The following GPATCH2 variants were observed in gnomAD, a reference collection of about 807,000 sequenced individuals.
GPATCH2 encodes the protein G-patch domain containing 2.
Under a neutral mutation model 58.0 loss-of-function variants are expected in GPATCH2, and 51 were observed. That is an observed-to-expected ratio of 0.88 (90% CI 0.70 to 1.11). GPATCH2 has a LOEUF of 1.11. GPATCH2 is among the 50% of genes most tolerant of loss of function. The pLI is 0.00. For synonymous variants in GPATCH2, 222 were observed against 218.5 expected, an observed-to-expected ratio of 1.02 and a Z score of -0.14; for missense variants, 625 against 652.2, an observed-to-expected ratio of 0.96 and a Z score of 0.45.
intron 9 of GPATCH2, among the ~76,000 whole-genome samples, chr1:217,433,975 T>C (rs1354286826): frequency 6.6e-6 from 1 of 152,222 alleles, no homozygotes; most frequent in African/African-American, 2.4e-5. Context: ...TTAAACATTT[T>C]GGTATTCTCA....
At chr1:217,467,171 C>T (rs368865065) in intron 8 of GPATCH2, among the ~76,000 whole-genome samples, 8 of 152,162 alleles carry the variant, frequency 5.3e-5, no homozygotes, top group South Asian at 2.1e-4. Context: ...AGTGAGACTC[C>T]GTCTCAAAAG....
chr1:217,549,176 A>G (rs1571900891), intron 5 of GPATCH2, among the ~76,000 whole-genome samples: 1 of 152,234 alleles, frequency 6.6e-6, no homozygotes, highest in African/African-American at 2.4e-5. Context: ...CAGTTCAATT[A>G]CAAAACCATT....
intron 8 of GPATCH2, among the ~76,000 whole-genome samples, chr1:217,486,413 T>G (rs1350211376): frequency 6.6e-6 from 1 of 152,206 alleles, no homozygotes; most frequent in Non-Finnish European, 1.5e-5. Flanking sequence ...TTTTGTTTTG[T>G]TTTTTGAGAC....
chr1:217,583,919 C>T (rs528095605), intron 5 of GPATCH2, among the ~76,000 whole-genome samples: 26 of 151,826 alleles, frequency 1.7e-4, no homozygotes, highest in African/African-American at 6.0e-4. Flanking sequence ...AATTACATAC[C>T]AAGAAAATTA....
chr1:217,570,069 T>C (rs1666459880), intron 5 of GPATCH2, among the ~76,000 whole-genome samples: 2 of 152,144 alleles, frequency 1.3e-5, no homozygotes, highest in Admixed American at 1.3e-4. Flanking sequence ...ATATTTACAT[T>C]GTAAAGATAT....
At chr1:217,544,751 C>T (rs1256127308) in intron 5 of GPATCH2, among the ~76,000 whole-genome samples, 1 of 152,168 alleles carries the variant, frequency 6.6e-6, no homozygotes, top group Non-Finnish European at 1.5e-5. Flanking sequence ...TTTTCATCAC[C>T]TCCCTGCCAT....
rs553741381 is a variant in GPATCH2, at chr1:217,529,598, C to T, written c.1099-14709G>A. ...CGGTACCCTTGAAATTCTCAGCATG[C>T]ACAACTGTGAGCTAAATAAACCTCT... On this transcript the variant is annotated intron_variant, in intron 5 of 9. Coordinates refer to ENST00000366935, the MANE Select transcript of GPATCH2 (RefSeq NM_018040.5). 1.7e-3 allele frequency among the ~76,000 whole-genome samples: 255 copies of T among 152,290 alleles called. 1 individual carries two copies. The highest frequency in any genetic ancestry group is 6.0e-3 in the African/African-American group (249 of 41,556).
intron 5 of GPATCH2, among the ~76,000 whole-genome samples, chr1:217,586,238 A>T (rs1335425545): frequency 1.3e-5 from 2 of 152,212 alleles, no homozygotes; most frequent in African/African-American, 4.8e-5. Flanking sequence ...TAACTTTATC[A>T]ACCTTTAAAA....
intron 6 of GPATCH2, among the ~76,000 whole-genome samples, chr1:217,500,917 C>T (rs1249322109): frequency 1.3e-5 from 2 of 151,972 alleles, no homozygotes; most frequent in African/African-American, 2.4e-5. Flanking sequence ...TGTAGGTTTA[C>T]GTGCAGTTGG....
chr1:217,523,832 G>T (rs1202247445), intron 5 of GPATCH2, among the ~76,000 whole-genome samples: 2 of 149,510 alleles, frequency 1.3e-5, no homozygotes, highest in African/African-American at 5.0e-5. Context: ...CCTGGACGGG[G>T]TGGCTGGCCG....
At chr1:217,451,585 C>A (rs1215029345) in intron 8 of GPATCH2, among the ~76,000 whole-genome samples, 5 of 152,196 alleles carry the variant, frequency 3.3e-5, no homozygotes, top group East Asian at 1.9e-4. Flanking sequence ...CACTTTATAT[C>A]CATATGAGAG....
At chr1:217,534,010 G>A (rs909488951) in intron 5 of GPATCH2, among the ~76,000 whole-genome samples, 1 of 152,148 alleles carries the variant, frequency 6.6e-6, no homozygotes, top group Non-Finnish European at 1.5e-5. Context: ...GAGGTCAAGA[G>A]TTTGAGACTA....
At chr1:217,623,268 T>C (rs2102849139) in intron 1 of GPATCH2, among the ~76,000 whole-genome samples, 1 of 152,306 alleles carries the variant, frequency 6.6e-6, no homozygotes, top group South Asian at 2.1e-4. Context: ...GATGTATGAA[T>C]ATAATATCAA....
chr1:217,469,236 G>C (rs1660612285), intron 8 of GPATCH2, among the ~76,000 whole-genome samples: 2 of 152,086 alleles, frequency 1.3e-5, no homozygotes, highest in South Asian at 4.1e-4. Flanking sequence ...CATATGTTCA[G>C]CATTTAACTC....
chr1:217,533,777 G>A (rs1019684700), intron 5 of GPATCH2, among the ~76,000 whole-genome samples: 3 of 152,148 alleles, frequency 2.0e-5, no homozygotes, highest in African/African-American at 4.8e-5. Flanking sequence ...TGGGTGCACA[G>A]GTTTTCATTA....
At chr1:217,487,667 C>T (rs548363445) in intron 8 of GPATCH2, among the ~76,000 whole-genome samples, 9 of 152,126 alleles carry the variant, frequency 5.9e-5, no homozygotes, top group East Asian at 5.8e-4. Flanking sequence ...CTCAGGTGTC[C>T]GCCCACCTCG....
chr1:217,521,919 A>G (rs1167821011), intron 5 of GPATCH2, among the ~76,000 whole-genome samples: 1 of 152,218 alleles, frequency 6.6e-6, no homozygotes, highest in African/African-American at 2.4e-5. Context: ...TACAGCTGCC[A>G]GCATTGCATT....
chr1:217,568,380 T>C (rs1208975487), intron 5 of GPATCH2, among the ~76,000 whole-genome samples: 3 of 152,076 alleles, frequency 2.0e-5, no homozygotes, highest in Non-Finnish European at 4.4e-5. Context: ...CACAGAGCTA[T>C]AAACAAAATA....
chr1:217,619,191 A>T (rs576037370), intron 2 of GPATCH2, among the ~76,000 whole-genome samples: 26 of 152,332 alleles, frequency 1.7e-4, no homozygotes, highest in African/African-American at 6.3e-4. Context: ...TCAAAATAGT[A>T]CTTAACAATT....
Sources: allele counts gnomAD v4.1 joint callset (sites outside exome capture counted in the v4.1 genomes callset), GRCh38; gene constraint gnomAD v4.1.1; transcripts MANE v1.5; gene names NCBI Gene and HGNC (gene_info 2026-07-23, HGNC 2026-07-21).